The following CHODL variants were observed in gnomAD, a reference collection of about 807,000 sequenced individuals.
CHODL encodes the protein transmembrane protein MT75.
CHODL carries 29 observed loss-of-function variants against 34.5 expected under a neutral mutation model. The ratio of observed to expected loss-of-function variants is 0.84; its 90% CI spans 0.63 to 1.15. The LOEUF (loss-of-function observed/expected upper bound fraction) is 1.15, where lower values mean the gene tolerates loss of function less well. Ranked by LOEUF, CHODL falls within the 50% of genes most tolerant of loss-of-function variation. The probability of loss-of-function intolerance (pLI) is 0.00; values close to 1 mark genes in which losing one functional copy is unlikely to be tolerated. For synonymous variants in CHODL, 125 were observed against 116.1 expected (o/e 1.08, Z -0.49); for missense variants, 332 against 332.5 (o/e 1.00, Z 0.01).
chr21:18,059,787 G>A (rs918097741), intron 2 of CHODL, among the ~76,000 whole-genome samples: 1 of 152,088 alleles, frequency 6.6e-6, no homozygotes, highest in Non-Finnish European at 1.5e-5. Flanking sequence ...TATAAGCGGG[G>A]AGTGAACAAT....
At chr21:18,257,899 T>C (rs773814853) in intron 3 of CHODL, among the ~76,000 whole-genome samples, 1 of 152,222 alleles carries the variant, frequency 6.6e-6, no homozygotes, top group Non-Finnish European at 1.5e-5. Context: ...ACTCATTTTT[T>C]AAAATCATCT....
At chr21:18,186,397 T>TA (rs976977164) in intron 2 of CHODL, among the ~76,000 whole-genome samples, 25 of 144,400 alleles carry the variant, frequency 1.7e-4, no homozygotes, top group South Asian at 8.8e-4. Context: ...GAAGAAAAGT[T>TA]AAAAAAAAAA....
At chr21:18,042,500 C>G (rs1267482018) in intron 2 of CHODL, among the ~76,000 whole-genome samples, 1 of 151,994 alleles carries the variant, frequency 6.6e-6, no homozygotes, top group African/African-American at 2.4e-5. Flanking sequence ...AGATAAGGAA[C>G]TTAAAGCACA....
At chr21:17,981,935 T>C (rs779339475) in intron 1 of CHODL, among the ~76,000 whole-genome samples, 21 of 152,246 alleles carry the variant, frequency 1.4e-4, no homozygotes, top group Non-Finnish European at 2.2e-4. Context: ...ATGTGTTCAA[T>C]TGGCATAGGC....
At chr21:18,003,118 T>C in intron 1 of CHODL, among the ~76,000 whole-genome samples, 1 of 129,824 alleles carries the variant, frequency 7.7e-6, no homozygotes. Flanking sequence ...CGAGACTCCG[T>C]CTCAAAAAAA....
At chr21:17,929,611 T>C (rs2063255235) in intron 1 of CHODL, among the ~76,000 whole-genome samples, 1 of 152,114 alleles carries the variant, frequency 6.6e-6, no homozygotes, top group South Asian at 2.1e-4. Flanking sequence ...AAGGGCTGAG[T>C]GAGCAACCCC....
intron 2 of CHODL, among the ~76,000 whole-genome samples, chr21:18,216,537 G>T (rs1251823866): frequency 6.6e-6 from 1 of 152,118 alleles, no homozygotes; most frequent in Non-Finnish European, 1.5e-5. Context: ...TGCTGTATTT[G>T]TGTTTTTGTG....
upstream of CHODL, among the ~76,000 whole-genome samples, chr21:18,240,733 C>T (rs2074073702): frequency 6.6e-6 from 1 of 152,006 alleles, no homozygotes; most frequent in Non-Finnish European, 1.5e-5. Flanking sequence ...AATAAAGAAG[C>T]ATTAAAAAGA....
At chr21:18,032,277 A>G (rs953584177) in intron 2 of CHODL, among the ~76,000 whole-genome samples, 4 of 152,118 alleles carry the variant, frequency 2.6e-5, no homozygotes, top group African/African-American at 7.2e-5. Context: ...AGCTGTATTT[A>G]TCCGTTATTC....
chr21:18,058,192 CA>C lies in CHODL; in HGVS notation c.-45+30227del, dbSNP rs1234167049. ...AGTTAGAATGGCTATTAAAAAAAGA[CA>C]AAAAATAACAAATACTGGTGATGAT... On this transcript the variant is annotated intron_variant, in intron 2 of 6. Coordinates refer to the CHODL transcript ENST00000400127. Among the ~76,000 whole-genome samples the C allele has an allele frequency of 4.6e-5, 7 of 151,836 alleles. No homozygotes were observed. In the South Asian group the frequency reaches 6.3e-4, roughly 14 times the overall value.
At chr21:18,219,388 C>G (rs1179258430) in intron 2 of CHODL, among the ~76,000 whole-genome samples, 1 of 152,016 alleles carries the variant, frequency 6.6e-6, no homozygotes, top group Admixed American at 6.6e-5. Flanking sequence ...GGGGTAATTG[C>G]CCCCATGATT....
chr21:18,152,797 A>G (rs1459872348), intron 2 of CHODL, among the ~76,000 whole-genome samples: 2 of 152,216 alleles, frequency 1.3e-5, no homozygotes, highest in African/African-American at 2.4e-5. Context: ...CTTCTGGACC[A>G]TCTTAGAATT....
intron 1 of CHODL, among the ~76,000 whole-genome samples, chr21:17,945,385 G>A (rs998355988): frequency 2.6e-5 from 4 of 151,850 alleles, no homozygotes; most frequent in African/African-American, 7.3e-5. Context: ...CAAAAAGTGA[G>A]AATATTGACA....
intron 1 of CHODL, among the ~76,000 whole-genome samples, chr21:18,255,951 C>T (rs1018397026): frequency 3.3e-5 from 5 of 151,958 alleles, no homozygotes; most frequent in Admixed American, 1.3e-4. Flanking sequence ...ATTAATTAAT[C>T]GTTTATTACT....
chr21:18,151,453 A>G (rs931744888), intron 2 of CHODL, among the ~76,000 whole-genome samples: 2 of 152,206 alleles, frequency 1.3e-5, no homozygotes, highest in African/African-American at 4.8e-5. Context: ...CCCTTCCTCC[A>G]TAACTCACCC....
At chr21:18,211,352 A>G (rs1316441343) in intron 2 of CHODL, among the ~76,000 whole-genome samples, 1 of 152,208 alleles carries the variant, frequency 6.6e-6, no homozygotes, top group Non-Finnish European at 1.5e-5. Context: ...TATTTAGGAC[A>G]CTGAACAGCA....
At chr21:18,090,713 A>G (rs2065061987) in intron 2 of CHODL, among the ~76,000 whole-genome samples, 2 of 121,840 alleles carry the variant, frequency 1.6e-5, no homozygotes, top group South Asian at 2.8e-4. Context: ...GAAACTTGCT[A>G]TTATAATTTC....
intron 2 of CHODL, among the ~76,000 whole-genome samples, chr21:18,128,127 C>A (rs1037516245): frequency 6.6e-6 from 1 of 150,532 alleles, no homozygotes; most frequent in South Asian, 2.1e-4. Flanking sequence ...GGTGAAACCC[C>A]GTCTCTACTA....
intron 2 of CHODL, among the ~76,000 whole-genome samples, chr21:18,030,060 C>G: frequency 6.6e-6 from 1 of 152,134 alleles, no homozygotes; most frequent in African/African-American, 2.4e-5. Context: ...GATCCCTCCC[C>G]ACTGATTCTT....
Sources: gnomAD v4.1 joint callset for allele counts (sites outside exome capture counted in the v4.1 genomes callset) on GRCh38, gnomAD v4.1.1 for gene constraint, MANE v1.5 for transcripts, NCBI Gene and HGNC (gene_info 2026-07-23, HGNC 2026-07-21) for gene names.